DOCK2: variants seen among roughly 807,000 people sequenced by gnomAD.
DOCK2 encodes dedicator of cytokinesis protein 2.
DOCK2 carries 87 observed loss-of-function variants against 248.9 expected under a neutral mutation model. The observed-to-expected ratio is 0.35, with a 90% CI of 0.29 to 0.42. DOCK2 has a LOEUF of 0.42. DOCK2 is among the 10% of genes least tolerant of loss of function. The probability of loss-of-function intolerance (pLI) is 1.00; values close to 1 mark genes in which losing one functional copy is unlikely to be tolerated. For synonymous variants in DOCK2, 805 were observed against 821.6 expected (o/e 0.98, Z 0.35); for missense variants, 1,747 against 2,300.2 (o/e 0.76, Z 4.92).
At chr5:169,729,254 AATTGGTATG>A (rs1489630529) in intron 22 of DOCK2, among the ~76,000 whole-genome samples, 3 of 152,234 alleles carry the variant, frequency 2.0e-5, no homozygotes, top group Non-Finnish European at 4.4e-5. Context: ...TGCTAAGTGC[AATTGGTATG>A]ACTAGACGTA....
At chr5:169,964,002 C>T (rs1777196511) in intron 27 of DOCK2, among the ~76,000 whole-genome samples, 1 of 152,004 alleles carries the variant, frequency 6.6e-6, no homozygotes, top group Non-Finnish European at 1.5e-5. Context: ...AAAAGTCCTA[C>T]CCTCATGGAA....
At chr5:169,926,386 C>G (rs1775457835) in intron 27 of DOCK2, among the ~76,000 whole-genome samples, 1 of 152,134 alleles carries the variant, frequency 6.6e-6, no homozygotes, top group Admixed American at 6.5e-5. Context: ...TTTTCAACTG[C>G]CATATACATG....
chr5:169,771,742 C>G (rs10036467), intron 25 of DOCK2, among the ~76,000 whole-genome samples: 3 of 152,082 alleles, frequency 2.0e-5, no homozygotes, highest in Non-Finnish European at 4.4e-5. Flanking sequence ...AGCAAAAGTT[C>G]TTAATTTTAA....
chr5:169,637,449 G>A (rs1412412200), intron 1 of DOCK2, 80 bp downstream of exon 1: 35 of 1,282,616 alleles, frequency 2.7e-5, no homozygotes, highest in Middle Eastern at 2.9e-4. Flanking sequence ...TGCGGGGCCG[G>A]CGGCGCGGGG....
chr5:169,706,309 C>A (rs1165113431), intron 14 of DOCK2, among the ~76,000 whole-genome samples: 2 of 152,188 alleles, frequency 1.3e-5, no homozygotes, highest in African/African-American at 4.8e-5. Flanking sequence ...AACTCTAAGC[C>A]CATAAATGTC....
At chr5:169,825,444 A>C (rs1483592350) in intron 26 of DOCK2, among the ~76,000 whole-genome samples, 3 of 151,134 alleles carry the variant, frequency 2.0e-5, no homozygotes, top group Non-Finnish European at 1.5e-5. Context: ...GCAGCCATAG[A>C]AAATGATGAG....
intron 26 of DOCK2, among the ~76,000 whole-genome samples, chr5:169,804,912 T>A (rs956520222): frequency 6.6e-6 from 1 of 152,188 alleles, no homozygotes; most frequent in Non-Finnish European, 1.5e-5. Flanking sequence ...ATTCAGATGA[T>A]GATGTTAGGG....
chr5:170,027,841 T>A, intron 33 of DOCK2, 22 bp from the exon 34 acceptor site: 1 of 1,607,388 alleles, frequency 6.2e-7, no homozygotes, highest in Non-Finnish European at 8.5e-7. Flanking sequence ...TTATTGTTGA[T>A]TTTTGTCTCC....
chr5:169,778,018 G>A (rs971935159), intron 25 of DOCK2, among the ~76,000 whole-genome samples: 4 of 152,266 alleles, frequency 2.6e-5, no homozygotes, highest in Admixed American at 6.5e-5. Context: ...TCCCTCCTGA[G>A]GTTTGTGGTC....
intron 9 of DOCK2, among the ~76,000 whole-genome samples, chr5:169,690,540 G>A (rs1581040496): frequency 6.6e-6 from 1 of 152,292 alleles, no homozygotes; most frequent in Non-Finnish European, 1.5e-5. Flanking sequence ...TGGGATCATA[G>A]GTCCTAATTG....
chr5:169,659,965 C>T (rs1002734961), intron 2 of DOCK2, among the ~76,000 whole-genome samples: 1 of 152,202 alleles, frequency 6.6e-6, no homozygotes, highest in African/African-American at 2.4e-5. Context: ...CCTACTTCTT[C>T]TGTTTCCCCA....
At chr5:169,882,906 T>G (rs1157397399) in intron 27 of DOCK2, 2 of 1,551,868 alleles carry the variant, frequency 1.3e-6, no homozygotes, top group African/African-American at 2.7e-5. Flanking sequence ...TGTTACTTGA[T>G]GAAGGACAGT....
chr5:170,034,523 G>C lies in DOCK2; in HGVS notation c.3592G>C (p.Asp1198His), dbSNP rs750989202. Residue 1198 changes from aspartate (D) to histidine (H), a missense_variant, in exon 35 of 52, where the codon GAC (aspartate) becomes CAC (histidine). Transcript: ENST00000520908. ...GGGTGTGATGACAGATGAGAGCAAA[G>C]ACAACCGCATGAGCTGCACCGTGAA... Reference protein sequence around the residue: ...YRGVMTDESKDNRMSCTVNLL... With the variant: ...YRGVMTDESKHNRMSCTVNLL... 1 of 1,614,168 alleles carries C rather than the reference G, an allele frequency of 6.2e-7. No homozygotes were observed. The highest frequency in any genetic ancestry group is 1.7e-5 in the Admixed American group (1 of 60,026).
chr5:169,798,674 T>A (rs1239015877), intron 25 of DOCK2, among the ~76,000 whole-genome samples: 1 of 152,224 alleles, frequency 6.6e-6, no homozygotes, highest in Non-Finnish European at 1.5e-5. Context: ...CTGCTTCTTA[T>A]CTCTGTTGGC....
chr5:169,737,673 C>T (rs1207593583), intron 22 of DOCK2, among the ~76,000 whole-genome samples: 1 of 152,148 alleles, frequency 6.6e-6, no homozygotes, highest in Non-Finnish European at 1.5e-5. Flanking sequence ...TGCTACATAA[C>T]AAAGCCTATA....
At chr5:169,875,283 C>G (rs1296922581) in intron 27 of DOCK2, 1 of 456,612 alleles carries the variant, frequency 2.2e-6, no homozygotes, top group African/African-American at 2.0e-5. Flanking sequence ...GATTCAGTGG[C>G]TTTGGGGCTG....
intron 26 of DOCK2, among the ~76,000 whole-genome samples, chr5:169,815,463 C>G (rs1472894785): frequency 6.6e-6 from 1 of 152,178 alleles, no homozygotes; most frequent in African/African-American, 2.4e-5. Context: ...TCCTTCCTAT[C>G]CTCAATCTCA....
At chr5:169,983,968 C>G (rs985923106) in intron 28 of DOCK2, among the ~76,000 whole-genome samples, 1 of 152,202 alleles carries the variant, frequency 6.6e-6, no homozygotes, top group African/African-American at 2.4e-5. Flanking sequence ...CTCCAATTTC[C>G]CTATGTCTTA....
At chr5:169,851,180 A>G (rs150182628) in intron 27 of DOCK2, among the ~76,000 whole-genome samples, 66 of 152,362 alleles carry the variant, frequency 4.3e-4, no homozygotes, top group Middle Eastern at 6.8e-3. Flanking sequence ...TGAAGGAACA[A>G]ATTAATGACA....
Sources: gnomAD v4.1 joint callset for allele counts (sites outside exome capture counted in the v4.1 genomes callset) on GRCh38, gnomAD v4.1.1 for gene constraint, MANE v1.5 for transcripts, NCBI Gene and HGNC (gene_info 2026-07-23, HGNC 2026-07-21) for gene names.